The following BRIP1 variants were observed in gnomAD, a reference collection of about 807,000 sequenced individuals.
The protein encoded by BRIP1 is Fanconi anemia group J protein.
A neutral mutation model predicts 119.7 loss-of-function variants in BRIP1; 88 were observed. The ratio of observed to expected loss-of-function variants is 0.74; its 90% confidence interval spans 0.62 to 0.88. The LOEUF (loss-of-function observed/expected upper bound fraction) is 0.88. Ranked by LOEUF, BRIP1 falls within the 40% of genes least tolerant of loss-of-function variation. The pLI is 0.00. For missense variants in BRIP1, 1,259 were observed against 1,455.4 expected, an observed-to-expected ratio of 0.87 and a Z score of 2.20; for synonymous variants, 443 against 496.5, an observed-to-expected ratio of 0.89 and a Z score of 1.43.
chr17:61,751,330 A>G lies in BRIP1; in HGVS notation c.2098-6739T>C, dbSNP rs2077128580. Among the ~76,000 whole-genome samples, 1 of 152,182 alleles carries G rather than the reference A, an allele frequency of 6.6e-6. No individual in the cohort carries two copies. Among genetic ancestry groups the G allele is most frequent in the African/African-American group, 2.4e-5 (1 of 41,458 alleles). ...ACAGAGGTTACCAGGGCCTGAGGGA[A>G]GGGGCTAAACAGGAGTCATTGTTCC... On this transcript the variant is annotated intron_variant, in intron 14 of 19. Coordinates refer to ENST00000259008, the MANE Select transcript of BRIP1 (RefSeq NM_032043.3). This position sits in a 1 kb window ranked among gnomAD's most constrained non-coding sequence, Gnocchi z 6.7.
rs1423817612 is a variant in BRIP1, at chr17:61,856,448, A to G, written c.379+610T>C. 1.3e-5 allele frequency among the ~76,000 whole-genome samples: 2 copies of G among 152,220 alleles called. No individual in the cohort carries two copies. The highest frequency in any genetic ancestry group is 1.9e-4 in the East Asian group (1 of 5,200). On this transcript the variant is annotated intron_variant, in intron 4 of 19. Transcript: ENST00000259008. This position sits in a 1 kb window ranked among gnomAD's most constrained non-coding sequence, Gnocchi z 5.1. Reference sequence around the variant, plus strand: ...GGTACCAATGGATATGGAGATGTACATGAAGAAATAAGAAAGAGCAAAGTG... The same window carrying G: ...GGTACCAATGGATATGGAGATGTACGTGAAGAAATAAGAAAGAGCAAAGTG...
intron 17 of BRIP1, among the ~76,000 whole-genome samples, chr17:61,707,721 T>C (rs575614456): frequency 6.6e-6 from 1 of 152,286 alleles, no homozygotes; most frequent in South Asian, 2.1e-4. Context: ...TACATCTCTA[T>C]GGATATTAAG....
intron 16 of BRIP1, among the ~76,000 whole-genome samples, chr17:61,741,804 G>T (rs1459349216): frequency 6.6e-6 from 1 of 152,204 alleles, no homozygotes; most frequent in Non-Finnish European, 1.5e-5. Context: ...AGTAGATTTA[G>T]TATAATTCTT....
chr17:61,729,284 C>T lies in BRIP1; in HGVS notation c.2380-13221G>A, dbSNP rs191079455. ...ACAAAAGCAAACTCCGTCTCAAAAA[C>T]AAAACAAAACAAAACAAACAAACAA... is the stretch of plus-strand genomic sequence containing the variant. On this transcript the variant is annotated intron_variant, in intron 16 of 19. Transcript: ENST00000259008. The surrounding 1 kb of genome is among the most constrained non-coding windows in gnomAD (Gnocchi z 5.6). Among the ~76,000 whole-genome samples the T allele has an allele frequency of 3.9e-3, 598 of 151,644 alleles. 1 individual carries two copies. Among genetic ancestry groups the T allele is most frequent in the Middle Eastern group, 0.014 (4 of 294 alleles).
At position 61,768,027 on chromosome 17, in the gene BRIP1, T is replaced by C. The variant is rs1234707068; in HGVS notation, c.2097+8374A>G. Among the ~76,000 whole-genome samples, 2 of 152,200 alleles carry C rather than the reference T, an allele frequency of 1.3e-5. No homozygotes were observed. Among genetic ancestry groups the C allele is most frequent in the Non-Finnish European group, 2.9e-5 (2 of 68,040 alleles). ...TTATCATTCTTCTTAATCTCTCTAA[T>C]GATTACAAATTTTGTCAAATAATGC... On this transcript the variant is annotated intron_variant, in intron 14 of 19. Coordinates refer to ENST00000259008, the MANE Select transcript of BRIP1 (RefSeq NM_032043.3). This position sits in a 1 kb window ranked among gnomAD's most constrained non-coding sequence, Gnocchi z 5.0.
intron 6 of BRIP1, among the ~76,000 whole-genome samples, chr17:61,839,011 G>A (rs868675107): frequency 6.6e-6 from 1 of 151,930 alleles, no homozygotes; most frequent in African/African-American, 2.4e-5. Context: ...TTTATAATAA[G>A]TCACTTTGCA....
rs1350202526 is a variant in BRIP1 at position 61,778,814 on chromosome 17, G to A, written c.1935+1447C>T. ...GAAAGCACAATTCTTAGTTACATAG[G>A]AGTAGCATTCTAGGTTCCCAACTAC... On this transcript the variant is annotated intron_variant, in intron 13 of 19. Coordinates refer to ENST00000259008, the MANE Select transcript of BRIP1 (RefSeq NM_032043.3). The surrounding 1 kb of genome is among the most constrained non-coding windows in gnomAD (Gnocchi z 4.4). 6.6e-6 allele frequency among the ~76,000 whole-genome samples: 1 copy of A among 152,160 alleles called. No homozygotes were observed. The highest frequency in any genetic ancestry group is 1.5e-5 in the Non-Finnish European group (1 of 68,038).
chr17:61,776,170 C>A lies in BRIP1; in HGVS notation c.2097+231G>T. 1 of 500,826 alleles carries A rather than the reference C, an allele frequency of 2.0e-6. No individual in the cohort carries two copies. Among genetic ancestry groups the A allele is most frequent in the Non-Finnish European group, 3.6e-6 (1 of 281,624 alleles). 31.0% of individuals were successfully genotyped at this position (500,826 alleles called of 1,614,324 possible). A position where few individuals can be genotyped will look rare whatever the true frequency, so the allele number is the denominator to read the frequency against. On this transcript the variant is annotated intron_variant, in intron 14 of 19. Coordinates refer to ENST00000259008, the MANE Select transcript of BRIP1 (RefSeq NM_032043.3). This position sits in a 1 kb window ranked among gnomAD's most constrained non-coding sequence, Gnocchi z 5.0. Reference sequence around the variant, plus strand: ...CTGCTGGGATTACAAGCATGAGCCACCACGTCCAGCCTTGCTCTTTCAGAC... The same window carrying A: ...CTGCTGGGATTACAAGCATGAGCCAACACGTCCAGCCTTGCTCTTTCAGAC...
Position 61,802,845 on chromosome 17 carries a change from CAT to C in BRIP1, c.919-1373_919-1372del, listed in dbSNP as rs1460002006. ...AAGGTATTTTTAAGTTTCTTGAAAA[CAT>C]ATAGTGAAATTATCCTCCAGAAAGT... On this transcript the variant is annotated intron_variant, in intron 7 of 19. Coordinates refer to ENST00000259008, the MANE Select transcript of BRIP1 (RefSeq NM_032043.3). The surrounding 1 kb of genome is among the most constrained non-coding windows in gnomAD (Gnocchi z 6.0). Among the ~76,000 whole-genome samples the C allele has an allele frequency of 6.6e-6, 1 of 152,160 alleles. No homozygotes were observed. The highest frequency in any genetic ancestry group is 2.4e-5 in the African/African-American group (1 of 41,452).
Position 61,683,643 on chromosome 17 carries a change from C to G in BRIP1, c.3403G>C (p.Glu1135Gln), listed in dbSNP as rs369340444. ...AEDESIYFTPELYDPEDTDEE... is the reference protein window; with the variant it reads ...AEDESIYFTPQLYDPEDTDEE... ...TCTGTATCTTCAGGATCATAAAGTT[C>G]AGGTGTAAAATAGATAGATTCATCT... Residue 1135 changes from glutamate to glutamine, a missense_variant, in exon 20 of 20, where the codon GAA becomes CAA. Glu to Gln is a conservative substitution (Grantham distance 29). Coordinates refer to ENST00000259008, the MANE Select transcript of BRIP1 (RefSeq NM_032043.3). This position sits in a 1 kb window ranked among gnomAD's most constrained non-coding sequence, Gnocchi z 4.7. The G allele has an allele frequency of 1.2e-6, 2 of 1,612,602 alleles. No homozygotes were observed. The highest frequency in any genetic ancestry group is 2.2e-5 in the East Asian group (1 of 44,880).
Position 61,746,783 on chromosome 17 carries a change from T to A in BRIP1, c.2098-2192A>T, listed in dbSNP as rs1018965408. Reference sequence around the variant, plus strand: ...CTAACCTTCAGTAATGAATAAAACATCCAAACAGAAGATCAACAAGGAAAC... The same window carrying A: ...CTAACCTTCAGTAATGAATAAAACAACCAAACAGAAGATCAACAAGGAAAC... On this transcript the variant is annotated intron_variant, in intron 14 of 19. Coordinates refer to ENST00000259008, the MANE Select transcript of BRIP1 (RefSeq NM_032043.3). The surrounding 1 kb of genome is among the most constrained non-coding windows in gnomAD (Gnocchi z 4.9). 2.6e-5 allele frequency among the ~76,000 whole-genome samples: 4 copies of A among 151,804 alleles called. No homozygotes were observed. The highest frequency in any genetic ancestry group is 4.4e-5 in the Non-Finnish European group (3 of 67,910).
In BRIP1 at chr17:61,806,467, A is replaced by G. The variant is rs1221528228; in HGVS notation, c.918+2000T>C. Among the ~76,000 whole-genome samples the G allele has an allele frequency of 6.6e-6, 1 of 152,194 alleles. No individual in the cohort carries two copies. The highest frequency in any genetic ancestry group is 2.4e-5 in the African/African-American group (1 of 41,450). On this transcript the variant is annotated intron_variant, in intron 7 of 19. Transcript: ENST00000259008. The surrounding 1 kb of genome is among the most constrained non-coding windows in gnomAD (Gnocchi z 4.9). ...CATATTACTAATATTAAAAAATAAA[A>G]TACCTGTTCACTTTAAGACAAACTA...
In BRIP1 at chr17:61,695,588, T is replaced by C. The variant is rs1214730929; in HGVS notation, c.2493-2076A>G. On this transcript the variant is annotated intron_variant, in intron 17 of 19. Transcript: ENST00000259008. The surrounding 1 kb of genome is among the most constrained non-coding windows in gnomAD (Gnocchi z 4.3). ...ATATCAATATAGGGGAGTGTTGATA[T>C]CCTAATGATAAGTCTTCTAATCCAT... Among the ~76,000 whole-genome samples, 2 of 152,122 alleles carry C rather than the reference T, an allele frequency of 1.3e-5. No homozygotes were observed. The highest frequency in any genetic ancestry group is 1.9e-4 in the East Asian group (1 of 5,202).
chr17:61,721,267 C>CT (rs11326516), intron 16 of BRIP1, among the ~76,000 whole-genome samples: 65,285 of 114,160 alleles, frequency 0.57, 19,829 homozygotes, highest in Non-Finnish European at 0.68. Context: ...AAAATCTAAG[C>CT]TTTTTTTTTT....
intron 16 of BRIP1, among the ~76,000 whole-genome samples, chr17:61,721,296 A>T (rs1243755819): frequency 1.7e-5 from 2 of 116,338 alleles, no homozygotes; most frequent in East Asian, 2.7e-4. Context: ...TTTAACACGG[A>T]GTCTTGCTCT....
chr17:61,721,548 C>T (rs975590437), intron 16 of BRIP1, among the ~76,000 whole-genome samples: 3 of 151,912 alleles, frequency 2.0e-5, no homozygotes, highest in Admixed American at 6.6e-5. Flanking sequence ...GGATTACGGG[C>T]GTGAGCCACT....
rs559896292 is a variant in BRIP1 at position 61,750,926 on chromosome 17, C to T, written c.2098-6335G>A. On this transcript the variant is annotated intron_variant, in intron 14 of 19. Transcript: ENST00000259008. ...TGCTGAGGAAAACAGTCTGGCAGTT[C>T]CTCAAAAGTTCATAGGCATAGAATT... 7.6e-4 allele frequency among the ~76,000 whole-genome samples: 116 copies of T among 152,228 alleles called. 1 individual carries two copies. Among genetic ancestry groups the T allele is most frequent in the African/African-American group, 2.6e-3 (108 of 41,548 alleles).
At position 61,828,000 on chromosome 17, in the gene BRIP1, G is replaced by T. The variant is rs1603353626; in HGVS notation, c.627+19101C>A. Among the ~76,000 whole-genome samples the T allele has an allele frequency of 6.6e-6, 1 of 152,176 alleles. No homozygotes were observed. The highest frequency in any genetic ancestry group is 1.9e-4 in the East Asian group (1 of 5,184). On this transcript the variant is annotated intron_variant, in intron 6 of 19. Coordinates refer to ENST00000259008, the MANE Select transcript of BRIP1 (RefSeq NM_032043.3). The surrounding 1 kb of genome is among the most constrained non-coding windows in gnomAD (Gnocchi z 5.8). ...AGCCACTGTGAAAAACAGCTTGGCA[G>T]TTCCTCAAAAACTTAAATATAGAAT...
chr17:61,702,858 T>C (rs1232559634), intron 17 of BRIP1, among the ~76,000 whole-genome samples: 1 of 152,224 alleles, frequency 6.6e-6, no homozygotes, highest in African/African-American at 2.4e-5. Context: ...GTACTTCTGC[T>C]TTAACTTCTT....
Sources: allele counts gnomAD v4.1 joint callset (sites outside exome capture counted in the v4.1 genomes callset), GRCh38; gene constraint gnomAD v4.1.1; non-coding constraint Gnocchi (gnomAD v3.1); transcripts MANE v1.5; gene names NCBI Gene and HGNC (gene_info 2026-07-23, HGNC 2026-07-21).